MCTP2: variants seen among roughly 807,000 people sequenced by gnomAD.
MCTP2 encodes multiple C2 and transmembrane domain containing 2.
In MCTP2, 132 loss-of-function variants were observed where a neutral mutation model predicts 111.6. That is an observed-to-expected ratio of 1.18 (90% CI 1.03 to 1.37). The LOEUF is 1.37. Ranked by LOEUF, MCTP2 falls within the 40% of genes most tolerant of loss-of-function variation. The pLI, the probability that MCTP2 is intolerant of heterozygous loss-of-function variation, is 0.00. For missense variants in MCTP2, 1,183 were observed against 1,067.9 expected, an observed-to-expected ratio of 1.11 and a Z score of -1.50; for synonymous variants, 395 against 387.7, an observed-to-expected ratio of 1.02 and a Z score of -0.22.
chr15:94,299,429 C>T (rs185486160), intron 2 of MCTP2, among the ~76,000 whole-genome samples: 5 of 152,194 alleles, frequency 3.3e-5, no homozygotes, highest in Admixed American at 6.5e-5. Flanking sequence ...CCTTTGACTG[C>T]CTTAGGATTT....
chr15:94,298,727 A>G lies in MCTP2; in HGVS notation c.462A>G (p.Pro154=), dbSNP rs753462679. ...TSLGGDAPEE[P]EKLCGSSDLN... is the part of the protein sequence containing the mutation. ...TTGGAGGGGATGCACCAGAAGAGCC[A>G]GAGGTGAGAATAGGGCTGGGCTCTC... Residue 154 remains proline (P), a synonymous_variant, in exon 2 of 23, where the codon CCA becomes CCG. Transcript: ENST00000357742. 11 of 1,597,734 alleles carry G rather than the reference A, an allele frequency of 6.9e-6. No homozygotes were observed. The highest frequency in any genetic ancestry group is 8.5e-6 in the Non-Finnish European group (10 of 1,173,882).
chr15:94,458,949 C>T (rs74371434), intron 20 of MCTP2, among the ~76,000 whole-genome samples: 11,407 of 152,278 alleles, frequency 0.075, 595 homozygotes, highest in Middle Eastern at 0.16. Flanking sequence ...AGTCTACCCA[C>T]AGCTTGCCAC....
intron 3 of MCTP2, 91 bp downstream of exon 3, chr15:94,314,435 C>CAAA: frequency 1.3e-6 from 1 of 787,102 alleles, no homozygotes; most frequent in Non-Finnish European, 1.9e-6. Flanking sequence ...TCTTTTATTG[C>CAAA]TAAAAAAAAA....
chr15:94,470,513 G>T, intron 21 of MCTP2, 71 bp downstream of exon 21: 4 of 1,059,932 alleles, frequency 3.8e-6, no homozygotes, highest in Admixed American at 3.4e-5. Flanking sequence ...TTTAAAGTGC[G>T]ACTATTAATT....
intron 4 of MCTP2, among the ~76,000 whole-genome samples, chr15:94,326,376 T>C (rs529932855): frequency 2.0e-5 from 3 of 152,174 alleles, no homozygotes; most frequent in Non-Finnish European, 4.4e-5. Context: ...ACAGGTTACT[T>C]TTTCATATAT....
At chr15:94,472,608 C>A (rs1445934773) in intron 21 of MCTP2, among the ~76,000 whole-genome samples, 1 of 152,138 alleles carries the variant, frequency 6.6e-6, no homozygotes, top group African/African-American at 2.4e-5. Context: ...GTTTATTATG[C>A]TCTCTTGGGC....
At chr15:94,375,624 A>G (rs1405818423) in intron 12 of MCTP2, among the ~76,000 whole-genome samples, 1 of 152,152 alleles carries the variant, frequency 6.6e-6, no homozygotes, top group Non-Finnish European at 1.5e-5. Context: ...TTTCCAAAAT[A>G]TATCTGGATC....
chr15:94,263,211 C>G (rs984105797), intron 1 of MCTP2, among the ~76,000 whole-genome samples: 1 of 152,158 alleles, frequency 6.6e-6, no homozygotes, highest in African/African-American at 2.4e-5. Context: ...GATGCATTAT[C>G]CACTTTGGTT....
intron 2 of MCTP2, among the ~76,000 whole-genome samples, chr15:94,306,641 TG>T (rs2075893010): frequency 6.6e-6 from 1 of 152,240 alleles, no homozygotes; most frequent in Non-Finnish European, 1.5e-5. Context: ...CTCATTGTCA[TG>T]GTCAATAACT....
At chr15:94,439,956 A>T (rs1203299289) in intron 17 of MCTP2, among the ~76,000 whole-genome samples, 1 of 152,164 alleles carries the variant, frequency 6.6e-6, no homozygotes, top group Non-Finnish European at 1.5e-5. Context: ...GTATGAAGCC[A>T]CTGTATCTGT....
At chr15:94,245,658 G>A (rs1435711666) in intron 1 of MCTP2, among the ~76,000 whole-genome samples, 1 of 143,788 alleles carries the variant, frequency 7.0e-6, no homozygotes, top group Non-Finnish European at 1.5e-5. Flanking sequence ...ATATGTATAT[G>A]TAAATGTGTA....
intron 17 of MCTP2, among the ~76,000 whole-genome samples, chr15:94,439,128 GA>G (rs1195110219): frequency 2.0e-5 from 3 of 152,040 alleles, no homozygotes; most frequent in Non-Finnish European, 2.9e-5. Context: ...TGACAAGTTT[GA>G]AAAACATAAT....
At chr15:94,271,288 C>T (rs2073895070) in intron 1 of MCTP2, among the ~76,000 whole-genome samples, 1 of 152,190 alleles carries the variant, frequency 6.6e-6, no homozygotes, top group South Asian at 2.1e-4. Context: ...AATTGGATTT[C>T]TCTACTCACT....
intron 20 of MCTP2, among the ~76,000 whole-genome samples, chr15:94,461,392 G>A (rs889450519): frequency 2.0e-5 from 3 of 152,244 alleles, no homozygotes; most frequent in Non-Finnish European, 4.4e-5. Context: ...CCTGGGAGGC[G>A]GAGGTTGCAG....
chr15:94,368,036 C>T (rs576127264), intron 11 of MCTP2, among the ~76,000 whole-genome samples: 39 of 152,288 alleles, frequency 2.6e-4, no homozygotes, highest in African/African-American at 7.0e-4. Flanking sequence ...GAATTTTTAG[C>T]GTTTAGCAAG....
At chr15:94,253,734 T>TC (rs1020465960) in intron 1 of MCTP2, among the ~76,000 whole-genome samples, 22 of 99,646 alleles carry the variant, frequency 2.2e-4, no homozygotes, top group African/African-American at 8.8e-4. Flanking sequence ...AAAGTCTCTC[T>TC]TTTTTTTTTT....
chr15:94,383,931 CAAGCA>C, intron 12 of MCTP2, 86 bp from the exon 13 acceptor site: 1 of 935,378 alleles, frequency 1.1e-6, no homozygotes, highest in East Asian at 2.6e-5. Flanking sequence ...CCTCTTTCAG[CAAGCA>C]CAACTTTATC....
chr15:94,349,201 C>G (rs1401351485), intron 8 of MCTP2, among the ~76,000 whole-genome samples: 1 of 152,108 alleles, frequency 6.6e-6, no homozygotes, highest in African/African-American at 2.4e-5. Flanking sequence ...CTTTCCTCCT[C>G]CCTGGAAGCT....
chr15:94,244,593 C>A (rs1003676580), intron 1 of MCTP2, among the ~76,000 whole-genome samples: 1 of 146,514 alleles, frequency 6.8e-6, no homozygotes, highest in African/African-American at 2.6e-5. Flanking sequence ...TACATATGCA[C>A]CTATGTTTAT....
Sources: allele counts gnomAD v4.1 joint callset (sites outside exome capture counted in the v4.1 genomes callset), GRCh38; gene constraint gnomAD v4.1.1; transcripts MANE v1.5; gene names NCBI Gene and HGNC (gene_info 2026-07-23, HGNC 2026-07-21).